The following SLC27A1 variants were observed in gnomAD, a reference collection of about 807,000 sequenced individuals.
The protein encoded by SLC27A1 is solute carrier family 27 member 1.
In SLC27A1, 61 loss-of-function variants were observed where a neutral mutation model predicts 62.2. That is an observed-to-expected ratio of 0.98 (90% CI 0.80 to 1.21). The LOEUF (loss-of-function observed/expected upper bound fraction) is 1.21, where lower values mean the gene tolerates loss of function less well. Among genes scored for constraint, SLC27A1 ranks in the 50% most tolerant of loss-of-function variants. SLC27A1 has a pLI of 0.00. For synonymous variants in SLC27A1, 435 were observed against 408.6 expected, an observed-to-expected ratio of 1.06 and a Z score of -0.78; for missense variants, 903 against 932.1, an observed-to-expected ratio of 0.97 and a Z score of 0.41.
chr19:17,495,150 A>T (rs2075335829), intron 6 of SLC27A1, among the ~76,000 whole-genome samples: 1 of 147,738 alleles, frequency 6.8e-6, no homozygotes, highest in South Asian at 2.1e-4. Flanking sequence ...ATTTTCTTGT[A>T]TTTTTGTAGA....
Position 17,486,585 on chromosome 19 carries a change from G to T in SLC27A1, c.190G>T (p.Val64Leu). 6.3e-7 allele frequency: 1 copy of T among 1,591,838 alleles called. No individual in the cohort carries two copies. The highest frequency in any genetic ancestry group is 8.5e-7 in the Non-Finnish European group (1 of 1,176,366). The change falls in exon 2 of 12, where the codon GTG becomes TTG. Residue 64 changes from valine (V) to leucine (L), a missense_variant. Physicochemically the swap from Val to Leu is conservative, Grantham distance 32. Transcript: ENST00000252595. This position sits in a 1 kb window ranked among gnomAD's most constrained non-coding sequence, Gnocchi z 6.6. ...CAGCGGTCTCTCTGTGCTGATCCGC[G>T]TGCGCCTGGAGCTGCGGCGGCACCA... ...DLFGLSVLIR[V>L]RLELRRHQRA...
intron 1 of SLC27A1, among the ~76,000 whole-genome samples, chr19:17,484,890 C>T (rs1399114694): frequency 3.3e-5 from 5 of 152,100 alleles, no homozygotes; most frequent in Non-Finnish European, 7.4e-5. Flanking sequence ...GATTTTGATG[C>T]AGAAGCTGGA....
intron 11 of SLC27A1, among the ~76,000 whole-genome samples, chr19:17,503,056 G>A (rs1381932270): frequency 6.6e-6 from 1 of 152,188 alleles, no homozygotes; most frequent in Admixed American, 6.6e-5. Context: ...AAGAGAGTGT[G>A]TGCAAGGGAA....
chr19:17,489,024 G>A lies in SLC27A1; in HGVS notation c.903G>A (p.Val301=), dbSNP rs1235306075. ...LYHSAGNIIG[V]GQCLIYGLTV... Reference sequence around the variant, plus strand: ...CCTCTGCAGGAAACATCATCGGCGTGGGGCAGTGTCTCATCTATGGGCTGA... The same window carrying A: ...CCTCTGCAGGAAACATCATCGGCGTAGGGCAGTGTCTCATCTATGGGCTGA... The change falls in exon 6 of 12, where the codon GTG becomes GTA. Residue 301 remains valine (V), a synonymous_variant. Transcript: ENST00000252595. 6.2e-7 allele frequency: 1 copy of A among 1,614,144 alleles called. No individual in the cohort carries two copies. Among genetic ancestry groups the A allele is most frequent in the Non-Finnish European group, 8.5e-7 (1 of 1,180,010 alleles).
At chr19:17,469,396 G>T (rs1344783149), upstream of SLC27A1, among the ~76,000 whole-genome samples, 1 of 152,036 alleles carries the variant, frequency 6.6e-6, no homozygotes, top group South Asian at 2.1e-4. Context: ...GCCCGCGCGG[G>T]CCGTGGGTGT....
intron 1 of SLC27A1, among the ~76,000 whole-genome samples, chr19:17,473,827 A>C (rs1436171572): frequency 6.6e-6 from 1 of 152,146 alleles, no homozygotes. Context: ...GTGCCATTAC[A>C]CTCCAGACTG....
chr19:17,487,367 A>G (rs2075246098), intron 3 of SLC27A1, 32 bp downstream of exon 3: 4 of 1,581,740 alleles, frequency 2.5e-6, no homozygotes, highest in African/African-American at 2.7e-5. Context: ...TGCTCTATCA[A>G]CTGGTTTCCT....
rs1568427869 is a variant in SLC27A1, at chr19:17,504,832, C to G, written c.*220C>G. 2.9e-6 allele frequency: 2 copies of G among 699,286 alleles called. No homozygotes were observed. The highest frequency in any genetic ancestry group is 5.2e-6 in the Non-Finnish European group (2 of 384,484). 43.3% of individuals were successfully genotyped at this position (699,286 alleles called of 1,614,324 possible). ...GCCTCCTCTCCCTGCTTTTCAGCCTCTGTCTCCTTCCATCCCTGTCCCTGT... is the reference window on the plus strand; with the variant it reads ...GCCTCCTCTCCCTGCTTTTCAGCCTGTGTCTCCTTCCATCCCTGTCCCTGT... On this transcript the variant is annotated 3_prime_UTR_variant, in exon 12 of 12. Transcript: ENST00000252595.
rs752460991 is a variant in SLC27A1, at chr19:17,486,792, A to G, written c.397A>G (p.Ile133Val). ...LGFAPGDVVA[I>V]FLEGRPEFVG... ...CTTCGCGCCGGGCGACGTGGTGGCC[A>G]TCTTCCTGGAGGGCCGGCCGGAGTT... The change falls in exon 2 of 12, where the codon ATC (isoleucine) becomes GTC (valine). Residue 133 changes from isoleucine (I) to valine (V), a missense_variant. Transcript: ENST00000252595. The surrounding 1 kb of genome is among the most constrained non-coding windows in gnomAD (Gnocchi z 6.6). 6.9e-6 allele frequency: 11 copies of G among 1,601,756 alleles called. No individual in the cohort carries two copies. The highest frequency in any genetic ancestry group is 1.7e-4 in the Middle Eastern group (1 of 6,044).
upstream of SLC27A1, chr19:17,470,455 T>G: frequency 1.5e-6 from 2 of 1,361,934 alleles, no homozygotes; most frequent in Non-Finnish European, 1.9e-6. Context: ...CGGCTCGCTG[T>G]AGAGGCGGGG....
chr19:17,494,107 C>T (rs2075323489), intron 6 of SLC27A1, among the ~76,000 whole-genome samples: 1 of 151,694 alleles, frequency 6.6e-6, no homozygotes, highest in Non-Finnish European at 1.5e-5. Context: ...CAAGCTCCAC[C>T]TCCTGGGTTC....
intron 6 of SLC27A1, chr19:17,496,452 T>G (rs2075350786): frequency 6.6e-6 from 1 of 152,170 alleles, no homozygotes; most frequent in African/African-American, 2.4e-5. Flanking sequence ...CATGAGCAGG[T>G]GGCTCCGTGG....
chr19:17,487,492 A>G lies in SLC27A1; in HGVS notation c.757A>G (p.Thr253Ala), dbSNP rs1390748146. The change falls in exon 4 of 12, where the codon ACC becomes GCC. Residue 253 changes from threonine (T) to alanine (A), a missense_variant. Coordinates refer to ENST00000252595, the MANE Select transcript of SLC27A1 (RefSeq NM_198580.3). ...TTTCTACATCTACACGTCGGGGACC[A>G]CCGGGCTGCCCAAGGCTGCCATTGT... ...RLFYIYTSGT[T>A]GLPKAAIVVH... 3.1e-6 allele frequency: 5 copies of G among 1,601,676 alleles called. No homozygotes were observed. The highest frequency in any genetic ancestry group is 4.2e-6 in the Non-Finnish European group (5 of 1,177,026).
chr19:17,481,218 C>T (rs910570858), intron 1 of SLC27A1, among the ~76,000 whole-genome samples: 1 of 152,062 alleles, frequency 6.6e-6, no homozygotes, highest in African/African-American at 2.4e-5. Context: ...AGCCACTGGG[C>T]CCGGCGGTGT....
Position 17,470,697 on chromosome 19 carries a change from C to G in SLC27A1, c.157C>G (p.Arg53Gly). 6.3e-7 allele frequency: 1 copy of G among 1,579,156 alleles called. No individual in the cohort carries two copies. The highest frequency in any genetic ancestry group is 8.6e-7 in the Non-Finnish European group (1 of 1,169,416). Residue 53 changes from arginine to glycine, a missense_variant, in exon 1 of 12, where the codon CGA becomes GGA. Arg to Gly is a moderately radical substitution (Grantham distance 125). Coordinates refer to ENST00000252595, the MANE Select transcript of SLC27A1 (RefSeq NM_198580.3). ...FLRIVCKTAR[R>G]DLFGLSVLIR... ...GCGCATCGTCTGCAAGACCGCGAGG[C>G]GAGACCTCTTGTGAGTGTTGCCGGG...
Position 17,500,778 on chromosome 19 carries a change from G to T in SLC27A1, c.1538G>T (p.Arg513Leu). Reference sequence around the variant, plus strand: ...CGGGACCGTAGCGGGGACACCTTCCGCTGGCGAGGGGAGAACGTCTCCACC... The same window carrying T: ...CGGGACCGTAGCGGGGACACCTTCCTCTGGCGAGGGGAGAACGTCTCCACC... ...YFRDRSGDTF[R>L]WRGENVSTTE... The change falls in exon 10 of 12, where the codon CGC (arginine) becomes CTC (leucine). Residue 513 changes from arginine (R) to leucine (L), a missense_variant. Physicochemically the swap from Arg to Leu is moderately radical, Grantham distance 102. Coordinates refer to ENST00000252595, the MANE Select transcript of SLC27A1 (RefSeq NM_198580.3). 6.2e-7 allele frequency: 1 copy of T among 1,613,162 alleles called. No individual in the cohort carries two copies. The highest frequency in any genetic ancestry group is 2.2e-5 in the East Asian group (1 of 44,876).
At position 17,504,417 on chromosome 19, in the gene SLC27A1, C is replaced by T. The variant is rs1193255917; in HGVS notation, c.1784-38C>T. ...TTGAGTTGAGGCCTCCCAGAAGCCA[C>T]CTGCTCAGCCCTTATCTGCCCCCCA... is the stretch of plus-strand genomic sequence containing the variant. On this transcript the variant is annotated intron_variant, in intron 11 of 11. Transcript: ENST00000252595. The T allele has an allele frequency of 3.7e-6, 6 of 1,612,942 alleles. No individual in the cohort carries two copies. The Admixed American group carries it at 8.3e-5, about 22-fold the overall frequency.
At position 17,470,617 on chromosome 19, in the gene SLC27A1, G is replaced by A. The variant is rs761049157; in HGVS notation, c.77G>A (p.Trp26Ter). The A allele has an allele frequency of 1.9e-5, 30 of 1,571,180 alleles. No homozygotes were observed. Among genetic ancestry groups the A allele is most frequent in the Non-Finnish European group, 2.3e-5 (27 of 1,166,470 alleles). The change falls in exon 1 of 12, where the codon TGG becomes TAG. Residue 26 changes from tryptophan (W) to a stop codon, truncating the protein, a stop_gained. Transcript: ENST00000252595. LOFTEE classifies it high-confidence loss of function. ...TGGCTGCTGGGGCTGCCGTGGACCT[G>A]GAGCGCGGCAGCGGCGCTCGGCGTG... The part of the protein sequence containing the change: ...LLWLLGLPWT[W>*]SAAAALGVYV...
chr19:17,492,171 G>A (rs1240556221), intron 6 of SLC27A1, among the ~76,000 whole-genome samples: 1 of 152,170 alleles, frequency 6.6e-6, no homozygotes, highest in Non-Finnish European at 1.5e-5. Flanking sequence ...GTTGCTAAGT[G>A]TCCCTGGGGG....
Sources: gnomAD v4.1 joint callset for allele counts (sites outside exome capture counted in the v4.1 genomes callset) on GRCh38, gnomAD v4.1.1 for gene constraint, Gnocchi (gnomAD v3.1) non-coding constraint, MANE v1.5 for transcripts, NCBI Gene and HGNC (gene_info 2026-07-23, HGNC 2026-07-21) for gene names.